The following R3HDM2 variants were observed in gnomAD, a reference collection of about 807,000 sequenced individuals.
R3HDM2 encodes R3H domain containing 2.
In R3HDM2, 38 loss-of-function variants were observed where a neutral mutation model predicts 124.5. The ratio of observed to expected loss-of-function variants is 0.31; its 90% CI spans 0.24 to 0.40. The LOEUF (loss-of-function observed/expected upper bound fraction) is 0.40, where lower values mean the gene tolerates loss of function less well. R3HDM2 is among the 10% of genes least tolerant of loss of function. R3HDM2 has a pLI of 1.00. For synonymous variants in R3HDM2, 391 were observed against 448.0 expected, an observed-to-expected ratio of 0.87 and a Z score of 1.61; for missense variants, 869 against 1,236.9, an observed-to-expected ratio of 0.70 and a Z score of 4.46.
intron 1 of R3HDM2, chr12:57,430,394 C>G (rs989098043): frequency 6.3e-5 from 27 of 430,628 alleles, no homozygotes; most frequent in Admixed American, 6.4e-5. Flanking sequence ...AAACCGCCAC[C>G]CAAGAAACAC....
rs538569891 is a variant in R3HDM2, at chr12:57,317,517, A to G, written c.-35-7054T>C. On this transcript the variant is annotated intron_variant, in intron 2 of 23. Transcript: ENST00000402412. ...GCATCCTTGATGCTGTGATTAGACA[A>G]TAGTCAATCTCGACCCTCCCTATCT... 1.2e-3 allele frequency among the ~76,000 whole-genome samples: 188 copies of G among 152,118 alleles called. 1 individual carries two copies. Among genetic ancestry groups the G allele is most frequent in the African/African-American group, 4.1e-3 (172 of 41,500 alleles).
intron 19 of R3HDM2, 57 bp from the exon 20 acceptor site, chr12:57,259,116 A>G (rs2039983735): frequency 1.9e-6 from 3 of 1,565,848 alleles, no homozygotes; most frequent in Middle Eastern, 2.0e-4. Flanking sequence ...TTTGCCTTCC[A>G]ACTAGCCCTG....
rs907394800 is a variant in R3HDM2 at position 57,303,191 on chromosome 12, G to A, written c.192C>T (p.Ala64=). ...TQRRTSNHGH[A]RKRAKSNSKL... is the part of the protein sequence containing the mutation. ...GGGCTCTCACCTTGGCTCTTTTCCT[G>A]GCATGACCATGGTTAGATGTCCGCC... The change falls in exon 4 of 24, where the codon GCC becomes GCT. Residue 64 remains alanine, a synonymous_variant. Coordinates refer to ENST00000402412, the MANE Select transcript of R3HDM2 (RefSeq NM_001394031.1). 43 of 1,531,050 alleles carry A rather than the reference G, an allele frequency of 2.8e-5. No homozygotes were observed. The highest frequency in any genetic ancestry group is 3.7e-5 in the Non-Finnish European group (42 of 1,128,448). 94.8% of individuals were successfully genotyped at this position (1,531,050 alleles called of 1,614,324 possible).
At chr12:57,329,648 A>G (rs1033729159) in intron 2 of R3HDM2, among the ~76,000 whole-genome samples, 1 of 152,134 alleles carries the variant, frequency 6.6e-6, no homozygotes, top group Admixed American at 6.5e-5. Flanking sequence ...TCAAATTGAC[A>G]TCATATAAAT....
At chr12:57,309,335 G>A (rs2053433756) in intron 3 of R3HDM2, among the ~76,000 whole-genome samples, 1 of 152,224 alleles carries the variant, frequency 6.6e-6, no homozygotes, top group Non-Finnish European at 1.5e-5. Context: ...GGTAACAGAA[G>A]AAACCAGCAG....
chr12:57,359,209 G>A (rs916393313), intron 2 of R3HDM2, among the ~76,000 whole-genome samples: 3 of 151,950 alleles, frequency 2.0e-5, no homozygotes, highest in Non-Finnish European at 2.9e-5. Flanking sequence ...GAACCACCGC[G>A]CCCAGTCCCC....
At chr12:57,368,462 C>A (rs192412773) in intron 2 of R3HDM2, among the ~76,000 whole-genome samples, 49 of 152,242 alleles carry the variant, frequency 3.2e-4, no homozygotes, top group Non-Finnish European at 3.1e-4. Flanking sequence ...TAAGCCATGA[C>A]AGATAAGTCT....
rs746039843 is a variant in R3HDM2, at chr12:57,254,975, C to A, written c.2771G>T (p.Gly924Val). ...AGCAGTCCCACTGTTGTCCCCCCCA[C>A]CCCCTCCAGGCAGCCCCTGAGCATC... ...LKDAQGLPGG[G>V]GGDNSGTAEN... is the part of the protein sequence containing the mutation. Residue 924 changes from glycine (G) to valine (V), a missense_variant, in exon 24 of 24, where the codon GGT becomes GTT. Gly to Val is a moderately radical substitution (Grantham distance 109). This residue lies in a region of R3HDM2 where 602 missense variants were observed against 789.2 expected (regional missense o/e 0.76). Transcript: ENST00000402412. The A allele has an allele frequency of 1.2e-5, 20 of 1,612,312 alleles. No homozygotes were observed. The highest frequency in any genetic ancestry group is 1.7e-5 in the Admixed American group (1 of 60,002).
At chr12:57,303,700 T>C (rs2051844504) in intron 3 of R3HDM2, among the ~76,000 whole-genome samples, 1 of 152,012 alleles carries the variant, frequency 6.6e-6, no homozygotes, top group Non-Finnish European at 1.5e-5. Flanking sequence ...GAGGATGGCT[T>C]GAGCCTGGGA....
rs896508754 is a variant in R3HDM2 at position 57,330,044 on chromosome 12, G to A, written c.-35-19581C>T. Among the ~76,000 whole-genome samples the A allele has an allele frequency of 3.9e-5, 6 of 152,246 alleles. No homozygotes were observed. In the East Asian group the frequency reaches 9.7e-4, roughly 25 times the overall value. Reference sequence around the variant, plus strand: ...GCTGGAGGTGCGATCTCGGCTCACCGCAACCTCCGCCTCCCGGGTTTAAGT... The same window carrying A: ...GCTGGAGGTGCGATCTCGGCTCACCACAACCTCCGCCTCCCGGGTTTAAGT... On this transcript the variant is annotated intron_variant, in intron 2 of 23. Transcript: ENST00000402412.
At chr12:57,421,557 G>A (rs2070201481) in intron 1 of R3HDM2, among the ~76,000 whole-genome samples, 1 of 150,894 alleles carries the variant, frequency 6.6e-6, no homozygotes, top group Admixed American at 6.6e-5. Flanking sequence ...TCAGGCTGGA[G>A]TGCAATGTGG....
At chr12:57,271,810 G>A (rs947365554) in intron 14 of R3HDM2, among the ~76,000 whole-genome samples, 4 of 152,108 alleles carry the variant, frequency 2.6e-5, no homozygotes, top group African/African-American at 9.7e-5. Context: ...CAATGGATGA[G>A]GATTTTTAAA....
chr12:57,415,427 A>G (rs938869276), intron 1 of R3HDM2: 12 of 152,216 alleles, frequency 7.9e-5, no homozygotes, highest in Non-Finnish European at 1.2e-4. Context: ...CCACTAGTAC[A>G]ACAGCTTCAG....
In R3HDM2 at chr12:57,364,556, C is replaced by T. The variant is rs562155551; in HGVS notation, c.-36+31193G>A. 4.6e-5 allele frequency among the ~76,000 whole-genome samples: 7 copies of T among 152,238 alleles called. 2 individuals carry two copies. The highest frequency in any genetic ancestry group is 1.7e-4 in the African/African-American group (7 of 41,546). On this transcript the variant is annotated intron_variant, in intron 2 of 23. Transcript: ENST00000402412. ...TTTGGTTTCTCCCAAGGGCTCTCTC[C>T]TTGACTTCCAGATGGCCATCTCACT...
chr12:57,324,019 C>T (rs2056882896), intron 2 of R3HDM2, among the ~76,000 whole-genome samples: 2 of 151,678 alleles, frequency 1.3e-5, no homozygotes, highest in African/African-American at 4.9e-5. Context: ...CAACTCAACC[C>T]AGAGAAGATA....
At chr12:57,345,540 CACACAT>C (rs1321890935) in intron 2 of R3HDM2, among the ~76,000 whole-genome samples, 21 of 96,610 alleles carry the variant, frequency 2.2e-4, no homozygotes, top group South Asian at 3.6e-4. Flanking sequence ...CACACACACA[CACACAT>C]ATATTAAGAG....
chr12:57,261,449 T>C (rs1462988695), intron 19 of R3HDM2, among the ~76,000 whole-genome samples: 1 of 152,140 alleles, frequency 6.6e-6, no homozygotes, highest in Non-Finnish European at 1.5e-5. Flanking sequence ...GTGGAAGCTC[T>C]AATACCAGCA....
At chr12:57,367,902 C>T (rs2062852672) in intron 2 of R3HDM2, among the ~76,000 whole-genome samples, 2 of 152,072 alleles carry the variant, frequency 1.3e-5, no homozygotes, top group Admixed American at 1.3e-4. Flanking sequence ...ATTTCTTATT[C>T]TTGGTCTTTA....
chr12:57,272,755 T>C (rs2043883984), intron 14 of R3HDM2, among the ~76,000 whole-genome samples: 2 of 152,082 alleles, frequency 1.3e-5, no homozygotes, highest in Non-Finnish European at 1.5e-5. Flanking sequence ...GCTTGAAGAT[T>C]TAACATCTCT....
Sources: gnomAD v4.1 joint callset for allele counts (sites outside exome capture counted in the v4.1 genomes callset) on GRCh38, gnomAD v4.1.1 for gene constraint, gnomAD v4.1.1 regional missense constraint, MANE v1.5 for transcripts, NCBI Gene and HGNC (gene_info 2026-07-23, HGNC 2026-07-21) for gene names.